Variants in MKNK1 observed in about 807,000 individuals in gnomAD.
MKNK1 encodes the protein MAPK interacting serine/threonine kinase 1.
A neutral mutation model predicts 49.3 loss-of-function variants in MKNK1; 30 were observed. The observed-to-expected ratio is 0.61, with a 90% confidence interval of 0.46 to 0.83. MKNK1 has a LOEUF of 0.83. MKNK1 is among the 40% of genes least tolerant of loss of function. The pLI, the probability that MKNK1 is intolerant of heterozygous loss-of-function variation, is 0.00. For missense variants in MKNK1, 423 were observed against 524.7 expected, an observed-to-expected ratio of 0.81 and a Z score of 1.89; for synonymous variants, 176 against 201.7, an observed-to-expected ratio of 0.87 and a Z score of 1.08.
At chr1:46,585,837 G>A (rs1672480373) in intron 2 of MKNK1, 2 of 1,134,962 alleles carry the variant, frequency 1.8e-6, no homozygotes. Flanking sequence ...CGTAACATTA[G>A]ATTTTATGGC....
Position 46,558,287 on chromosome 1 carries a change from G to A in MKNK1, c.*288C>T, listed in dbSNP as rs1461945560. ...CAGGCTGGATCCCAGATCTGCAGGC[G>A]GGTGAGCAGGTGGAGCCCAGTGAAG... On this transcript the variant is annotated 3_prime_UTR_variant, in exon 13 of 13. Transcript: ENST00000371945. 2.7e-5 allele frequency: 11 copies of A among 401,112 alleles called. No homozygotes were observed. The highest frequency in any genetic ancestry group is 4.6e-5 in the South Asian group (1 of 21,962). The allele number at this position is 401,112 out of a possible 1,614,324, so 24.8% of individuals were successfully genotyped here. A position where few individuals can be genotyped will look rare whatever the true frequency, so the allele number is the denominator to read the frequency against.
At chr1:46,574,228 T>C (rs1423108789) in intron 6 of MKNK1, 1 of 152,172 alleles carries the variant, frequency 6.6e-6, no homozygotes, top group Non-Finnish European at 1.5e-5. Flanking sequence ...GGAATATTGT[T>C]TAGAAAAGGT....
intron 8 of MKNK1, chr1:46,565,540 G>A (rs913003164): frequency 3.4e-5 from 7 of 207,258 alleles, no homozygotes; most frequent in South Asian, 7.8e-5. Context: ...ACCTCTGACC[G>A]CCTCAGGTGG....
chr1:46,576,543 C>T (rs566306586), intron 5 of MKNK1, 32 bp downstream of exon 5: 3 of 1,584,522 alleles, frequency 1.9e-6, no homozygotes, highest in Non-Finnish European at 2.6e-6. Flanking sequence ...AGCGTCCCCC[C>T]AGAGAAGCAG....
intron 3 of MKNK1, among the ~76,000 whole-genome samples, chr1:46,581,432 C>A (rs1487654357): frequency 6.8e-6 from 1 of 147,358 alleles, no homozygotes; most frequent in Non-Finnish European, 1.5e-5. Flanking sequence ...ATCGCTTGAA[C>A]CCGAGAGGCG....
chr1:46,603,975 C>T (rs1214968858), intron 1 of MKNK1, among the ~76,000 whole-genome samples: 2 of 152,088 alleles, frequency 1.3e-5, no homozygotes, highest in African/African-American at 2.4e-5. Flanking sequence ...TCTCGGACAC[C>T]GGCCACGCCC....
At chr1:46,601,089 G>T (rs1042354757) in intron 1 of MKNK1, among the ~76,000 whole-genome samples, 2 of 152,100 alleles carry the variant, frequency 1.3e-5, no homozygotes, top group Non-Finnish European at 2.9e-5. Context: ...GCTAATTTTT[G>T]TATTTTTAGT....
rs200643869 is a variant in MKNK1 at position 46,580,583 on chromosome 1, C to T, written c.145G>A (p.Ala49Thr). 117 of 1,613,990 alleles carry T rather than the reference C, an allele frequency of 7.2e-5. No homozygotes were observed. The highest frequency in any genetic ancestry group is 6.8e-6 in the Non-Finnish European group (8 of 1,179,972). ...AGGCTCACGGCACCTTGAACTTTGG[C>T]ATAGGCTCCCTCTCCAAGCAATTCA... ...TSELLGEGAYAKVQGAVSLQN... is the reference protein window; with the variant it reads ...TSELLGEGAYTKVQGAVSLQN... The change falls in exon 4 of 13, where the codon GCC (alanine) becomes ACC (threonine). Residue 49 changes from alanine (A) to threonine (T), a missense_variant. Physicochemically the swap from Ala to Thr is moderately conservative, Grantham distance 58 (BLOSUM62 0). Coordinates refer to ENST00000371945, the MANE Select transcript of MKNK1 (RefSeq NM_001135553.4).
At position 46,580,423 on chromosome 1, in the gene MKNK1, C is replaced by A. The variant is rs1400890516; in HGVS notation, c.198+107G>T. 2.2e-5 allele frequency: 18 copies of A among 800,248 alleles called. No homozygotes were observed. In the South Asian group the frequency reaches 2.7e-4, roughly 12 times the overall value. The allele number at this position is 800,248 out of a possible 1,614,324, so 49.6% of individuals were successfully genotyped here. ...AACCAAGATTTGAATCCAGTGAATACAGCTTCAGAGTCCCCATTCTTATGG... is the reference window on the plus strand; with the variant it reads ...AACCAAGATTTGAATCCAGTGAATAAAGCTTCAGAGTCCCCATTCTTATGG... On this transcript the variant is annotated intron_variant, in intron 4 of 12. Coordinates refer to ENST00000371945, the MANE Select transcript of MKNK1 (RefSeq NM_001135553.4).
chr1:46,568,278 ATGG>A, intron 8 of MKNK1, 162 bp downstream of exon 8: 1 of 648,414 alleles, frequency 1.5e-6, no homozygotes, highest in Non-Finnish European at 2.7e-6. Context: ...AAGGACGAGG[ATGG>A]GCAGAAACAT....
At chr1:46,578,015 C>A (rs972593509) in intron 4 of MKNK1, among the ~76,000 whole-genome samples, 11 of 152,338 alleles carry the variant, frequency 7.2e-5, no homozygotes, top group African/African-American at 2.4e-4. Context: ...GTTTGTAAAC[C>A]ACAGTGGGCC....
chr1:46,568,783 A>G, intron 7 of MKNK1: 1 of 441,742 alleles, frequency 2.3e-6, no homozygotes, highest in Non-Finnish European at 4.2e-6. Flanking sequence ...AGTGACCACC[A>G]AGAAGAAGGC....
Position 46,580,588 on chromosome 1 carries a change from G to C in MKNK1, c.140C>G (p.Ala47Gly), listed in dbSNP as rs550399139. ...KLTSELLGEG[A>G]YAKVQGAVSL... ...CACGGCACCTTGAACTTTGGCATAG[G>C]CTCCCTCTCCAAGCAATTCAGAGGT... Residue 47 changes from alanine to glycine, a missense_variant, in exon 4 of 13, where the codon GCC (alanine) becomes GGC (glycine). Transcript: ENST00000371945. The C allele has an allele frequency of 3.7e-6, 6 of 1,613,992 alleles. No individual in the cohort carries two copies. The South Asian group carries it at 5.5e-5, about 15-fold the overall frequency.
intron 8 of MKNK1, 68 bp from the exon 9 acceptor site, chr1:46,565,204 G>GCTCCT: frequency 2.1e-6 from 3 of 1,427,766 alleles, no homozygotes; most frequent in Non-Finnish European, 3.0e-6. Flanking sequence ...GCCAGGCATG[G>GCTCCT]CTGTACGGGT....
intron 1 of MKNK1, among the ~76,000 whole-genome samples, chr1:46,600,009 A>C (rs1401762577): frequency 6.6e-6 from 1 of 151,202 alleles, no homozygotes; most frequent in Non-Finnish European, 1.5e-5. Context: ...ACACACACAC[A>C]CCCCTACACC....
intron 2 of MKNK1, chr1:46,586,121 T>G (rs997692926): frequency 1.6e-5 from 6 of 368,260 alleles, no homozygotes; most frequent in Non-Finnish European, 2.7e-5. Flanking sequence ...ACTATTTTCA[T>G]CACAGAGTCC....
intron 2 of MKNK1, 67 bp downstream of exon 2, chr1:46,594,045 TG>T: frequency 7.9e-7 from 1 of 1,263,460 alleles, no homozygotes. Context: ...CCCTTTCCTC[TG>T]GATGTATCAG....
Position 46,574,945 on chromosome 1 carries a change from A to G in MKNK1, c.352+2T>C, listed in dbSNP as rs1370187653. On this transcript the variant is annotated splice_donor_variant, in intron 6 of 12. Coordinates refer to ENST00000371945, the MANE Select transcript of MKNK1 (RefSeq NM_001135553.4). LOFTEE classifies it high-confidence loss of function. ...TCCACACACATACTCAACGGTAAGT[A>G]CCTCCTTGCAATTTCTCAAAGACCA... 1.2e-6 allele frequency: 2 copies of G among 1,603,816 alleles called. No individual in the cohort carries two copies. The highest frequency in any genetic ancestry group is 1.7e-6 in the Non-Finnish European group (2 of 1,171,118).
chr1:46,587,709 C>T (rs944910785), intron 2 of MKNK1, among the ~76,000 whole-genome samples: 10 of 151,996 alleles, frequency 6.6e-5, no homozygotes, highest in African/African-American at 2.2e-4. Flanking sequence ...CCCAGCTACT[C>T]GGGAGGCTGA....
Sources: gnomAD v4.1 joint callset for allele counts (sites outside exome capture counted in the v4.1 genomes callset) on GRCh38, gnomAD v4.1.1 for gene constraint, MANE v1.5 for transcripts, NCBI Gene and HGNC (gene_info 2026-07-23, HGNC 2026-07-21) for gene names.